Variants in FOCAD observed in about 807,000 individuals in gnomAD.
FOCAD encodes the protein focadhesin.
FOCAD carries 198 observed loss-of-function variants against 225.6 expected under a neutral mutation model. The observed-to-expected ratio is 0.88, with a 90% CI of 0.78 to 0.99. The LOEUF is 0.99. Ranked by LOEUF, FOCAD falls within the 50% of genes least tolerant of loss-of-function variation. FOCAD has a pLI of 0.00. For synonymous variants in FOCAD, 897 were observed against 755.0 expected (o/e 1.19, Z -3.08); for missense variants, 2,713 against 2,123.6 (o/e 1.28, Z -5.46).
chr9:20,941,707 T>C (rs1836671857), intron 28 of FOCAD, among the ~76,000 whole-genome samples: 1 of 152,212 alleles, frequency 6.6e-6, no homozygotes, highest in Non-Finnish European at 1.5e-5. Flanking sequence ...GTTAGCACTC[T>C]TATAGAACAT....
chr9:20,793,914 C>T (rs1346762977), intron 11 of FOCAD, among the ~76,000 whole-genome samples: 5 of 152,112 alleles, frequency 3.3e-5, no homozygotes, highest in African/African-American at 4.8e-5. Context: ...GAGGGAAGGG[C>T]GAAGTGGGGA....
intron 11 of FOCAD, among the ~76,000 whole-genome samples, chr9:20,795,156 G>T (rs1820919009): frequency 6.6e-6 from 1 of 152,136 alleles, no homozygotes; most frequent in African/African-American, 2.4e-5. Context: ...GAACATGATA[G>T]AGTGTTTTTT....
At chr9:20,662,996 C>T (rs1422190217) in intron 2 of FOCAD, among the ~76,000 whole-genome samples, 1 of 152,154 alleles carries the variant, frequency 6.6e-6, no homozygotes, top group Admixed American at 6.5e-5. Context: ...ACAGTTTTAA[C>T]AGTAACACTT....
At chr9:20,888,117 A>ATTTTCTTTTTTTTT (rs1831267845) in intron 21 of FOCAD, among the ~76,000 whole-genome samples, 1 of 72,180 alleles carries the variant, frequency 1.4e-5, no homozygotes, top group South Asian at 4.3e-4. Context: ...ATGTCTTTTC[A>ATTTTCTTTTTTTTT]TTTTCTTTTT....
chr9:20,943,862 T>A (rs1235487837), intron 28 of FOCAD, among the ~76,000 whole-genome samples: 1 of 152,224 alleles, frequency 6.6e-6, no homozygotes, highest in Non-Finnish European at 1.5e-5. Context: ...CTGCATTATC[T>A]TACCATACTA....
Position 20,949,675 on chromosome 9 carries a change from G to T in FOCAD, c.3948G>T (p.Gln1316His). 1 of 1,610,946 alleles carries T rather than the reference G, an allele frequency of 6.2e-7. No homozygotes were observed. Among genetic ancestry groups the T allele is most frequent in the Non-Finnish European group, 8.5e-7 (1 of 1,177,672 alleles). Reference protein sequence around the residue: ...RLNEVIRTLTQVISVSGVIGL... With the variant: ...RLNEVIRTLTHVISVSGVIGL... ...ATGAAGTCATTAGAACCTTAACTCA[G>T]GTGAGAAAATGAATTTAAAATCCTT... Residue 1316 changes from glutamine (Q) to histidine (H), a missense_variant and splice_region_variant, in exon 33 of 44, where the codon CAG (glutamine) becomes CAT (histidine). Gln to His is a conservative substitution (Grantham distance 24). Coordinates refer to ENST00000338382, the MANE Select transcript of FOCAD (RefSeq NM_001375567.1).
chr9:20,822,954 C>T (rs746456275), intron 14 of FOCAD, 35 bp from the exon 15 acceptor site: 27 of 1,553,212 alleles, frequency 1.7e-5, no homozygotes, highest in Non-Finnish European at 2.3e-5. Context: ...TGCACTTTAG[C>T]ATTAATTTTG....
chr9:20,730,123 T>A lies in FOCAD; in HGVS notation c.287+9589T>A, dbSNP rs117018272. On this transcript the variant is annotated intron_variant, in intron 4 of 43. Transcript: ENST00000338382. ...TAAGTCTCAAAACAACCCTGGGAGT[T>A]TGGGGGAGACTTTTTCTTAGGTGGG... Among the ~76,000 whole-genome samples, 258 of 152,226 alleles carry A rather than the reference T, an allele frequency of 1.7e-3. 2 individuals are homozygous for A. The East Asian group carries it at 0.042, about 25-fold the overall frequency.
rs146399183 is a variant in FOCAD, at chr9:20,858,515, A to C, written c.1921-4063A>C. On this transcript the variant is annotated intron_variant, in intron 15 of 43. Transcript: ENST00000338382. The stretch of plus-strand genomic sequence containing the variant: ...CTCTCTTTTTTTCTTAGTCTGGCCA[A>C]AGGTTTGTTGATTTTACTCATCTTT... Among the ~76,000 whole-genome samples, 343 of 151,878 alleles carry C rather than the reference A, an allele frequency of 2.3e-3. 10 individuals are homozygous for C. In the East Asian group the frequency reaches 0.044, roughly 20 times the overall value.
At chr9:20,987,023 C>T (rs953814631) in intron 40 of FOCAD, among the ~76,000 whole-genome samples, 2 of 152,098 alleles carry the variant, frequency 1.3e-5, no homozygotes, top group African/African-American at 4.8e-5. Flanking sequence ...AGCGCTCCCC[C>T]ATTGCTCTAT....
At chr9:20,797,888 A>T (rs947210989) in intron 11 of FOCAD, among the ~76,000 whole-genome samples, 6 of 152,104 alleles carry the variant, frequency 3.9e-5, no homozygotes, top group Non-Finnish European at 7.3e-5. Flanking sequence ...ACTATGTCGA[A>T]TGGGAGTGGT....
At chr9:20,954,829 A>G (rs1218094258) in intron 35 of FOCAD, among the ~76,000 whole-genome samples, 3 of 152,188 alleles carry the variant, frequency 2.0e-5, no homozygotes, top group Non-Finnish European at 2.9e-5. Flanking sequence ...AGCCTTACAC[A>G]TTACTAATGA....
chr9:20,767,159 A>G (rs1369581380), intron 7 of FOCAD, among the ~76,000 whole-genome samples: 50 of 150,022 alleles, frequency 3.3e-4, no homozygotes, highest in Admixed American at 2.1e-3. Context: ...TGAACTCATC[A>G]TTTTTTATGG....
intron 8 of FOCAD, among the ~76,000 whole-genome samples, chr9:20,773,162 C>G (rs192687028): frequency 9.2e-5 from 14 of 152,248 alleles, no homozygotes; most frequent in African/African-American, 3.1e-4. Context: ...ACAGTTTAGT[C>G]CTTTTTAGTA....
chr9:20,786,463 C>G (rs1819932127), intron 10 of FOCAD, among the ~76,000 whole-genome samples: 1 of 152,122 alleles, frequency 6.6e-6, no homozygotes, highest in South Asian at 2.1e-4. Flanking sequence ...GCTAGAAAGG[C>G]TCTCTTGAGG....
intron 21 of FOCAD, among the ~76,000 whole-genome samples, chr9:20,905,758 GA>G: frequency 6.6e-6 from 1 of 152,070 alleles, no homozygotes; most frequent in East Asian, 1.9e-4. Flanking sequence ...TTGCCACCTG[GA>G]TAACAGGAGA....
At position 20,715,400 on chromosome 9, in the gene FOCAD, T is replaced by C. The variant is rs1188214564; in HGVS notation, c.47T>C (p.Ile16Thr). 6.6e-7 allele frequency: 1 copy of C among 1,516,746 alleles called. No individual in the cohort carries two copies. The highest frequency in any genetic ancestry group is 1.4e-5 in the African/African-American group (1 of 72,838). 94.0% of individuals were successfully genotyped at this position (1,516,746 alleles called of 1,614,324 possible). Residue 16 changes from isoleucine to threonine, a missense_variant, in exon 2 of 44, where the codon ATC becomes ACC. By Grantham distance (89) the Ile-to-Thr change is moderately conservative. Transcript: ENST00000338382. ...RKRFEFPNSLIQSQAVGHLIA... is the reference protein window; with the variant it reads ...RKRFEFPNSLTQSQAVGHLIA... Reference sequence around the variant, plus strand: ...AGGTTTGAATTTCCAAATTCTCTTATCCAATCACAGGTAATTTTGTTTGTT... The same window carrying C: ...AGGTTTGAATTTCCAAATTCTCTTACCCAATCACAGGTAATTTTGTTTGTT...
chr9:20,699,296 G>C (rs10757144), intron 1 of FOCAD, among the ~76,000 whole-genome samples: 128,721 of 152,128 alleles, frequency 0.85, 54,586 homozygotes, highest in Admixed American at 0.89. Context: ...CTCTTTTGAA[G>C]ATTGGCTTTA....
chr9:20,972,307 A>G (rs1387216687), intron 35 of FOCAD, among the ~76,000 whole-genome samples: 1 of 151,978 alleles, frequency 6.6e-6, no homozygotes, highest in Non-Finnish European at 1.5e-5. Context: ...TTTTGTTGCT[A>G]TTGTTTTTAT....
Sources: gnomAD v4.1 joint callset for allele counts (sites outside exome capture counted in the v4.1 genomes callset) on GRCh38, gnomAD v4.1.1 for gene constraint, MANE v1.5 for transcripts, NCBI Gene and HGNC (gene_info 2026-07-23, HGNC 2026-07-21) for gene names.